The following NRG3 variants were observed in gnomAD, a reference collection of about 807,000 sequenced individuals.
The protein encoded by NRG3 is neuregulin 3.
In NRG3, 31 loss-of-function variants were observed where a neutral mutation model predicts 66.9. The observed-to-expected ratio is 0.46, with a 90% CI of 0.35 to 0.63. The LOEUF is 0.63. Among genes scored for constraint, NRG3 ranks in the 20% least tolerant of loss-of-function variants. The pLI is 0.00. For missense variants in NRG3, 910 were observed against 878.9 expected, an observed-to-expected ratio of 1.04 and a Z score of -0.45; for synonymous variants, 393 against 359.4, an observed-to-expected ratio of 1.09 and a Z score of -1.06.
At chr10:82,020,566 A>G (rs1385666978) in intron 1 of NRG3, among the ~76,000 whole-genome samples, 2 of 152,146 alleles carry the variant, frequency 1.3e-5, no homozygotes, top group African/African-American at 4.8e-5. Flanking sequence ...AGTTCTAAGA[A>G]GAGACTTTTA....
At chr10:82,362,044 CAAACTATTCGTGAT>C (rs1470308910) in intron 2 of NRG3, among the ~76,000 whole-genome samples, 11 of 88,308 alleles carry the variant, frequency 1.2e-4, no homozygotes, top group Non-Finnish European at 2.3e-4. Context: ...ACACAATTAC[CAAACTATTCGTGAT>C]AGAAATCCTG....
intron 2 of NRG3, among the ~76,000 whole-genome samples, chr10:82,423,337 A>G: frequency 6.6e-6 from 1 of 152,050 alleles, no homozygotes; most frequent in South Asian, 2.1e-4. Context: ...CGTTATAATT[A>G]TATATATCTA....
chr10:82,498,694 C>T (rs1843845695), intron 2 of NRG3, among the ~76,000 whole-genome samples: 1 of 152,102 alleles, frequency 6.6e-6, no homozygotes, highest in Non-Finnish European at 1.5e-5. Flanking sequence ...CACTCCCAAC[C>T]GTTGGCTCAG....
intron 3 of NRG3, among the ~76,000 whole-genome samples, chr10:82,823,159 C>T (rs1373582373): frequency 2.0e-5 from 3 of 152,132 alleles, no homozygotes; most frequent in African/African-American, 7.2e-5. Context: ...CCAAGGATGA[C>T]AAAATCTTCC....
chr10:82,056,714 G>GT (rs1445281139), intron 1 of NRG3, among the ~76,000 whole-genome samples: 1 of 152,128 alleles, frequency 6.6e-6, no homozygotes, highest in Admixed American at 6.6e-5. Context: ...AAATAGAAAT[G>GT]TTTTTATTTT....
At chr10:81,952,917 AT>A (rs1849509439) in intron 1 of NRG3, among the ~76,000 whole-genome samples, 1 of 151,966 alleles carries the variant, frequency 6.6e-6, no homozygotes, top group African/African-American at 2.4e-5. Context: ...AACTGACCTC[AT>A]TGGACACTTG....
intron 3 of NRG3, among the ~76,000 whole-genome samples, chr10:82,770,755 C>T (rs2059685181): frequency 6.6e-6 from 1 of 152,056 alleles, no homozygotes; most frequent in Admixed American, 6.6e-5. Flanking sequence ...GAGATAAGGG[C>T]TGGCAGGAAA....
intron 1 of NRG3, among the ~76,000 whole-genome samples, chr10:82,103,527 C>T (rs61605497): frequency 0.013 from 1,962 of 152,250 alleles, 36 homozygotes; most frequent in African/African-American, 0.041. Flanking sequence ...CCTAAAAATA[C>T]ATCACTCTTC....
At chr10:81,969,511 C>T (rs1346465680) in intron 1 of NRG3, among the ~76,000 whole-genome samples, 2 of 152,114 alleles carry the variant, frequency 1.3e-5, no homozygotes, top group African/African-American at 4.8e-5. Flanking sequence ...TGAGGCATTT[C>T]TAGTCTGAGC....
At chr10:81,889,677 T>C (rs774199426) in intron 1 of NRG3, 3 of 152,230 alleles carry the variant, frequency 2.0e-5, no homozygotes, top group Non-Finnish European at 4.4e-5. Flanking sequence ...TAATTTTCAC[T>C]GATGTCAACA....
At chr10:82,048,042 G>T (rs1037282667) in intron 1 of NRG3, among the ~76,000 whole-genome samples, 1 of 150,658 alleles carries the variant, frequency 6.6e-6, no homozygotes, top group Non-Finnish European at 1.5e-5. Flanking sequence ...TAAACAAGAA[G>T]AGCTAACTAT....
chr10:81,906,411 A>T (rs1406686415), intron 1 of NRG3, among the ~76,000 whole-genome samples: 1 of 152,164 alleles, frequency 6.6e-6, no homozygotes, highest in Non-Finnish European at 1.5e-5. Context: ...TACTATTTTA[A>T]ATAGAGTGCT....
chr10:82,206,933 A>G (rs2075148216), intron 1 of NRG3, among the ~76,000 whole-genome samples: 1 of 152,186 alleles, frequency 6.6e-6, no homozygotes, highest in Non-Finnish European at 1.5e-5. Context: ...TATGGTACAG[A>G]CAAATTAATT....
At chr10:82,648,029 T>C (rs1371723802) in intron 2 of NRG3, among the ~76,000 whole-genome samples, 1 of 149,304 alleles carries the variant, frequency 6.7e-6, no homozygotes, top group South Asian at 2.2e-4. Context: ...TTTGTCAATT[T>C]TGGCTTTTGT....
intron 2 of NRG3, among the ~76,000 whole-genome samples, chr10:82,479,921 T>A (rs1471419321): frequency 1.3e-5 from 2 of 152,192 alleles, no homozygotes; most frequent in Non-Finnish European, 2.9e-5. Flanking sequence ...TGAGCCGAGA[T>A]GGCGCCACTG....
chr10:82,246,710 C>T (rs984268386), intron 1 of NRG3, among the ~76,000 whole-genome samples: 7 of 152,056 alleles, frequency 4.6e-5, no homozygotes, highest in Non-Finnish European at 1.0e-4. Context: ...TAGTCTGAAT[C>T]GCAAGATTGC....
At position 81,929,220 on chromosome 10, in the gene NRG3, T is replaced by C. The variant is rs1161044968; in HGVS notation, c.823+53057T>C. Among the ~76,000 whole-genome samples, 3 of 152,122 alleles carry C rather than the reference T, an allele frequency of 2.0e-5. No homozygotes were observed. The South Asian group carries it at 6.2e-4, about 32-fold the overall frequency. ...CAATTATGGTGAACAACCTAATAAA[T>C]ATTTAATTTTGTGTGCAGACAACCT... On this transcript the variant is annotated intron_variant, in intron 1 of 8. Transcript: ENST00000372141.
intron 2 of NRG3, among the ~76,000 whole-genome samples, chr10:82,404,182 T>C (rs1242101305): frequency 6.6e-6 from 1 of 152,186 alleles, no homozygotes; most frequent in Non-Finnish European, 1.5e-5. Context: ...TTAATCTGAA[T>C]ACAGACTAGG....
Position 82,117,551 on chromosome 10 carries a change from G to A in NRG3, c.824-241188G>A, listed in dbSNP as rs139453589. 2.0e-5 allele frequency among the ~76,000 whole-genome samples: 3 copies of A among 152,142 alleles called. No homozygotes were observed. The East Asian group carries it at 5.8e-4, about 29-fold the overall frequency. ...TCTGTGTGTGTGTCTCTGTGTGTAG[G>A]AAGACAAGTCACATATTCTCACCCT... On this transcript the variant is annotated intron_variant, in intron 1 of 8. Transcript: ENST00000372141.
Sources: allele counts gnomAD v4.1 joint callset (sites outside exome capture counted in the v4.1 genomes callset), GRCh38; gene constraint gnomAD v4.1.1; transcripts MANE v1.5; gene names NCBI Gene and HGNC (gene_info 2026-07-23, HGNC 2026-07-21).